ROBO2: variants seen among roughly 807,000 people sequenced by gnomAD.
ROBO2 encodes roundabout homolog 2.
ROBO2 carries 53 observed loss-of-function variants against 160.8 expected under a neutral mutation model. That is an observed-to-expected ratio of 0.33 (90% CI 0.26 to 0.41). ROBO2 has a LOEUF of 0.41. Among genes scored for constraint, ROBO2 ranks in the 10% least tolerant of loss-of-function variants. ROBO2 has a pLI of 1.00. For missense variants in ROBO2, 1,577 were observed against 1,722.4 expected (o/e 0.92, Z 1.49); for synonymous variants, 664 against 611.7 (o/e 1.09, Z -1.26).
chr3:76,624,908 A>G (rs930919499), intron 2 of ROBO2, among the ~76,000 whole-genome samples: 3 of 151,422 alleles, frequency 2.0e-5, no homozygotes, highest in Non-Finnish European at 4.4e-5. Flanking sequence ...TCCAACCACC[A>G]AGATGACTAA....
At chr3:75,907,563 T>C (rs777069819) in intron 1 of ROBO2, among the ~76,000 whole-genome samples, 4 of 152,182 alleles carry the variant, frequency 2.6e-5, no homozygotes, top group Admixed American at 6.5e-5. Context: ...TTAAAAGCCA[T>C]GTTGGTTCAC....
At chr3:76,690,868 C>A (rs155472) in intron 2 of ROBO2, among the ~76,000 whole-genome samples, 50,041 of 151,738 alleles carry the variant, frequency 0.33, 9,098 homozygotes, top group East Asian at 0.56. Flanking sequence ...ATGTGCTATG[C>A]ATGTGCCTTC....
At chr3:76,486,719 T>C (rs1209584994) in intron 2 of ROBO2, among the ~76,000 whole-genome samples, 1 of 152,172 alleles carries the variant, frequency 6.6e-6, no homozygotes, top group East Asian at 1.9e-4. Context: ...TTAGCAGTTT[T>C]CTGAATCTCA....
In ROBO2 at chr3:77,404,668, G is replaced by C. The variant is rs145152770; in HGVS notation, c.389-72746G>C. On this transcript the variant is annotated intron_variant, in intron 2 of 25. Coordinates refer to ENST00000461745, the Ensembl canonical transcript of ROBO2. The stretch of plus-strand genomic sequence containing the variant: ...ATATGGATATTCTTAGAATTTAATG[G>C]GGGATAGGGGAACTTACCTGGAATC... 9.2e-3 allele frequency among the ~76,000 whole-genome samples: 1,400 copies of C among 152,206 alleles called. 19 individuals carry two copies. Among genetic ancestry groups the C allele is most frequent in the African/African-American group, 0.032 (1,318 of 41,542 alleles).
At chr3:76,261,666 G>T (rs1706773397) in intron 2 of ROBO2, among the ~76,000 whole-genome samples, 2 of 151,926 alleles carry the variant, frequency 1.3e-5, no homozygotes, top group Non-Finnish European at 2.9e-5. Flanking sequence ...TATTTTAATT[G>T]TACTATTTGG....
At chr3:76,898,099 T>C (rs1292556839) in intron 2 of ROBO2, among the ~76,000 whole-genome samples, 1 of 152,128 alleles carries the variant, frequency 6.6e-6, no homozygotes, top group Non-Finnish European at 1.5e-5. Flanking sequence ...CTCCACAGAA[T>C]TGACAATAGC....
intron 2 of ROBO2, among the ~76,000 whole-genome samples, chr3:76,490,070 A>T (rs954175490): frequency 6.6e-6 from 1 of 152,196 alleles, no homozygotes; most frequent in South Asian, 2.1e-4. Flanking sequence ...TAAATGCCAA[A>T]TGCTTTTGCT....
rs186290983 is a variant in ROBO2, at chr3:77,295,810, G to T, written c.389-181604G>T. On this transcript the variant is annotated intron_variant, in intron 2 of 25. Coordinates refer to ENST00000461745, the Ensembl canonical transcript of ROBO2. ...TTTAAATGGGTAAGCTGAGGCTAGA[G>T]CACTAAAGACATAAAGTAAAATTGA... Among the ~76,000 whole-genome samples the T allele has an allele frequency of 4.0e-3, 500 of 124,730 alleles. 5 individuals carry two copies. The highest frequency in any genetic ancestry group is 5.4e-3 in the Non-Finnish European group (323 of 60,084). 81.8% of individuals were successfully genotyped at this position (124,730 alleles called of 152,430 possible).
At chr3:76,443,755 A>G (rs983669880) in intron 2 of ROBO2, among the ~76,000 whole-genome samples, 3 of 152,176 alleles carry the variant, frequency 2.0e-5, no homozygotes, top group African/African-American at 7.2e-5. Flanking sequence ...AGACTGACTT[A>G]ATCAGAATCT....
At chr3:76,415,665 G>C (rs7616894) in intron 2 of ROBO2, among the ~76,000 whole-genome samples, 34,838 of 151,986 alleles carry the variant, frequency 0.23, 6,067 homozygotes, top group African/African-American at 0.49. Flanking sequence ...ATTGCTAATC[G>C]ATGAAAAATG....
intron 2 of ROBO2, among the ~76,000 whole-genome samples, chr3:76,521,930 A>G (rs1218910261): frequency 2.0e-5 from 3 of 152,168 alleles, no homozygotes; most frequent in Admixed American, 6.6e-5. Flanking sequence ...CACTCTGACT[A>G]TATGTGCATC....
intron 2 of ROBO2, among the ~76,000 whole-genome samples, chr3:77,247,266 A>G (rs749571925): frequency 6.6e-6 from 1 of 152,198 alleles, no homozygotes; most frequent in Non-Finnish European, 1.5e-5. Context: ...AATAGCTCCC[A>G]GGCTTGGAGT....
chr3:76,008,353 T>G (rs1576460098), intron 2 of ROBO2, among the ~76,000 whole-genome samples: 1 of 152,298 alleles, frequency 6.6e-6, no homozygotes, highest in African/African-American at 2.4e-5. Context: ...AAAGACTTGT[T>G]TTTTTAAAAG....
At chr3:76,608,382 C>A (rs1268830823) in intron 2 of ROBO2, among the ~76,000 whole-genome samples, 1 of 152,148 alleles carries the variant, frequency 6.6e-6, no homozygotes, top group Admixed American at 6.5e-5. Context: ...GAAGGAAAGA[C>A]AAAATTAAAA....
chr3:76,372,048 T>C (rs1288244723), intron 2 of ROBO2, among the ~76,000 whole-genome samples: 1 of 151,890 alleles, frequency 6.6e-6, no homozygotes. Flanking sequence ...CATCAATTTC[T>C]TTCTGTTACT....
At chr3:76,619,776 C>T (rs147581819) in intron 2 of ROBO2, among the ~76,000 whole-genome samples, 134 of 152,242 alleles carry the variant, frequency 8.8e-4, no homozygotes, top group South Asian at 3.9e-3. Flanking sequence ...ATCATTCAGC[C>T]GAGGTGAGCT....
At chr3:77,327,251 C>G (rs2065491670) in intron 2 of ROBO2, among the ~76,000 whole-genome samples, 1 of 152,064 alleles carries the variant, frequency 6.6e-6, no homozygotes, top group South Asian at 2.1e-4. Flanking sequence ...TACTTCTAAC[C>G]AATGTTCTGG....
chr3:77,321,720 G>T (rs191238759), intron 2 of ROBO2, among the ~76,000 whole-genome samples: 304 of 152,236 alleles, frequency 2.0e-3, no homozygotes, highest in Middle Eastern at 3.4e-3. Flanking sequence ...TGCCAAGAAT[G>T]AGCTATAATT....
At chr3:77,596,022 A>G (rs1214464825) in intron 18 of ROBO2, among the ~76,000 whole-genome samples, 2 of 152,166 alleles carry the variant, frequency 1.3e-5, no homozygotes, top group African/African-American at 2.4e-5. Context: ...CTATACTCAC[A>G]TGCTGGATCA....
Sources: allele counts gnomAD v4.1 joint callset (sites outside exome capture counted in the v4.1 genomes callset), GRCh38; gene constraint gnomAD v4.1.1; transcripts MANE v1.5; gene names NCBI Gene and HGNC (gene_info 2026-07-23, HGNC 2026-07-21).